STARD7: variants seen among roughly 807,000 people sequenced by gnomAD.
STARD7 encodes stAR-related lipid transfer protein 7, mitochondrial.
Under a neutral mutation model 45.3 loss-of-function variants are expected in STARD7, and 30 were observed. The ratio of observed to expected loss-of-function variants is 0.66; its 90% confidence interval spans 0.50 to 0.90. STARD7 has a LOEUF of 0.90. Ranked by LOEUF, STARD7 falls within the 40% of genes least tolerant of loss-of-function variation. The probability of loss-of-function intolerance (pLI) is 0.00; values close to 1 mark genes in which losing one functional copy is unlikely to be tolerated. For missense variants in STARD7, 495 were observed against 491.3 expected (o/e 1.01, Z -0.07); for synonymous variants, 199 against 183.0 (o/e 1.09, Z -0.70).
chr2:96,200,255 T>C (rs982892464), intron 1 of STARD7, among the ~76,000 whole-genome samples: 2 of 152,138 alleles, frequency 1.3e-5, no homozygotes, highest in African/African-American at 4.8e-5. Context: ...TTTTCTGTAT[T>C]TTTAGTAGAG....
chr2:96,208,374 C>G lies in STARD7; in HGVS notation c.61G>C (p.Ala21Pro). ...AAGCGGCACTGATTGGCCAGAAGCG[C>G]CAGCAGGCCCCCGCCCCGCGTCCCC... ...LAGTRGGGLLALLANQCRFVT... is the reference protein window; with the variant it reads ...LAGTRGGGLLPLLANQCRFVT... Residue 21 changes from alanine to proline, a missense_variant, in exon 1 of 8, where the codon GCG becomes CCG. Transcript: ENST00000337288. 6.6e-7 allele frequency: 1 copy of G among 1,521,530 alleles called. No homozygotes were observed. The highest frequency in any genetic ancestry group is 8.7e-7 in the Non-Finnish European group (1 of 1,145,290). The allele number at this position is 1,521,530 out of a possible 1,614,324, so 94.3% of individuals were successfully genotyped here.
intron 1 of STARD7, among the ~76,000 whole-genome samples, chr2:96,197,938 C>G (rs1402366792): frequency 6.6e-6 from 1 of 152,050 alleles, no homozygotes. Flanking sequence ...ATGGATAGAT[C>G]GCATTTTGTT....
chr2:96,190,836 T>C (rs906038189), intron 6 of STARD7, among the ~76,000 whole-genome samples: 12 of 151,982 alleles, frequency 7.9e-5, no homozygotes, highest in African/African-American at 2.7e-4. Context: ...AGACCGGGTC[T>C]CTCCATGCTG....
intron 1 of STARD7, among the ~76,000 whole-genome samples, chr2:96,200,709 T>C (rs1683291867): frequency 6.6e-6 from 1 of 152,142 alleles, no homozygotes; most frequent in South Asian, 2.1e-4. Flanking sequence ...TGAGACAAAG[T>C]CTCACTATGT....
At position 96,186,503 on chromosome 2, in the gene STARD7, A is replaced by C; in HGVS notation, c.*227T>G. On this transcript the variant is annotated 3_prime_UTR_variant, in exon 8 of 8. Coordinates refer to ENST00000337288, the MANE Select transcript of STARD7 (RefSeq NM_020151.4). ...TCAGTGAGATACCGAATTTCAAAACAGTTGGCCTGAGAATATGACAACACT... is the reference window on the plus strand; with the variant it reads ...TCAGTGAGATACCGAATTTCAAAACCGTTGGCCTGAGAATATGACAACACT... 2.5e-6 allele frequency: 1 copy of C among 406,448 alleles called. No homozygotes were observed. Among genetic ancestry groups the C allele is most frequent in the Non-Finnish European group, 4.3e-6 (1 of 230,164 alleles). The allele number at this position is 406,448 out of a possible 1,614,324, so 25.2% of individuals were successfully genotyped here.
At chr2:96,195,578 G>A in intron 1 of STARD7, 29 bp from the exon 2 acceptor site, 1 of 1,578,346 alleles carries the variant, frequency 6.3e-7, no homozygotes, top group Non-Finnish European at 8.7e-7. Flanking sequence ...GCCATGGTGA[G>A]GTGGTTAGTC....
At chr2:96,187,351 A>G (rs763431790) in intron 6 of STARD7, 50 bp from the exon 7 acceptor site, 24 of 1,123,054 alleles carry the variant, frequency 2.1e-5, no homozygotes, top group Non-Finnish European at 1.2e-5. Context: ...ACCAACCACA[A>G]CCTCCATATC....
At chr2:96,192,698 T>A (rs1683143378) in intron 5 of STARD7, among the ~76,000 whole-genome samples, 1 of 152,108 alleles carries the variant, frequency 6.6e-6, no homozygotes, top group Non-Finnish European at 1.5e-5. Flanking sequence ...GGAAGGAAGA[T>A]CACTTGAGGC....
chr2:96,191,058 A>G (rs1277966767), intron 6 of STARD7, among the ~76,000 whole-genome samples: 2 of 152,126 alleles, frequency 1.3e-5, no homozygotes, highest in African/African-American at 4.8e-5. Flanking sequence ...CCAGCTCCTC[A>G]GGAGGCTGAG....
intron 1 of STARD7, among the ~76,000 whole-genome samples, chr2:96,206,824 A>AAAT (rs1683399180): frequency 6.6e-6 from 1 of 150,908 alleles, no homozygotes; most frequent in Admixed American, 6.6e-5. Context: ...AAAAAAAAAA[A>AAAT]GTGGAACACG....
intron 3 of STARD7, 36 bp from the exon 4 acceptor site, chr2:96,193,388 G>T: frequency 7.2e-7 from 1 of 1,384,172 alleles, no homozygotes; most frequent in Non-Finnish European, 1.0e-6. Context: ...TACCCAAGAA[G>T]ACCCAAAACA....
At chr2:96,197,215 G>A (rs925490707) in intron 1 of STARD7, among the ~76,000 whole-genome samples, 3 of 151,578 alleles carry the variant, frequency 2.0e-5, no homozygotes, top group Non-Finnish European at 4.4e-5. Flanking sequence ...GACCGGCCTG[G>A]GAAACATGGT....
intron 1 of STARD7, among the ~76,000 whole-genome samples, chr2:96,203,595 A>C (rs1224957994): frequency 1.3e-5 from 2 of 152,190 alleles, no homozygotes; most frequent in African/African-American, 4.8e-5. Flanking sequence ...CTCACTTCAC[A>C]TAATTCTCCT....
chr2:96,186,683 C>G lies in STARD7; in HGVS notation c.*47G>C, dbSNP rs376428368. On this transcript the variant is annotated 3_prime_UTR_variant, in exon 8 of 8. Transcript: ENST00000337288. Reference sequence around the variant, plus strand: ...CCTTCTACAGCAGAGTGATAACGGACTGAGACAGGGCTAGAAGCACCTTGT... The same window carrying G: ...CCTTCTACAGCAGAGTGATAACGGAGTGAGACAGGGCTAGAAGCACCTTGT... 9 of 1,482,376 alleles carry G rather than the reference C, an allele frequency of 6.1e-6. No homozygotes were observed. The highest frequency in any genetic ancestry group is 1.4e-5 in the African/African-American group (1 of 71,330). 91.8% of individuals were successfully genotyped at this position (1,482,376 alleles called of 1,614,324 possible). A position where few individuals can be genotyped will look rare whatever the true frequency, so the allele number is the denominator to read the frequency against.
Position 96,197,083 on chromosome 2 carries a change from A to AC in STARD7, c.291-1535_291-1534insG, listed in dbSNP as rs1424189805. Among the ~76,000 whole-genome samples, 10 of 139,202 alleles carry AC rather than the reference A, an allele frequency of 7.2e-5. 1 individual carries two copies. In the East Asian group the frequency reaches 1.7e-3, roughly 24 times the overall value. The allele number at this position is 139,202 out of a possible 152,430, so 91.3% of individuals were successfully genotyped here. ...CTCCGTCTCAAAATAAAATAAAATA[A>AC]AATAAAATAAAATAAAATAAAATAA... On this transcript the variant is annotated intron_variant, in intron 1 of 7. Transcript: ENST00000337288.
rs1253428303 is a variant in STARD7, at chr2:96,190,335, C to CT, written c.843+2033dup. 4.8e-3 allele frequency among the ~76,000 whole-genome samples: 634 copies of CT among 131,684 alleles called. 9 individuals carry two copies. Among genetic ancestry groups the CT allele is most frequent in the South Asian group, 0.026 (104 of 3,998 alleles). 86.4% of individuals were successfully genotyped at this position (131,684 alleles called of 152,430 possible). A position where few individuals can be genotyped will look rare whatever the true frequency, so the allele number is the denominator to read the frequency against. ...AAACTAAGTACATTTAAGTCTGTGT[C>CT]TTTTTTTTTTTTTTTTTTTGAGACG... On this transcript the variant is annotated intron_variant, in intron 6 of 7. Coordinates refer to ENST00000337288, the MANE Select transcript of STARD7 (RefSeq NM_020151.4).
At chr2:96,197,096 T>TC in intron 1 of STARD7, among the ~76,000 whole-genome samples, 1 of 134,356 alleles carries the variant, frequency 7.4e-6, no homozygotes. Context: ...TAAAATAAAA[T>TC]AAAATAAAAT....
chr2:96,187,604 G>A (rs1683056957), intron 6 of STARD7: 1 of 219,780 alleles, frequency 4.5e-6, no homozygotes, highest in African/African-American at 2.3e-5. Context: ...TGCTTTGCAG[G>A]GTTTGGAATT....
chr2:96,195,056 C>T (rs778388784), intron 2 of STARD7, 49 bp from the exon 3 acceptor site: 9 of 1,520,970 alleles, frequency 5.9e-6, no homozygotes, highest in East Asian at 4.7e-5. Flanking sequence ...TCCAGTCACT[C>T]GCCTTGTTTC....
Sources: allele counts gnomAD v4.1 joint callset (sites outside exome capture counted in the v4.1 genomes callset), GRCh38; gene constraint gnomAD v4.1.1; transcripts MANE v1.5; gene names NCBI Gene and HGNC (gene_info 2026-07-23, HGNC 2026-07-21).